Variants in NCBP1 observed in about 807,000 individuals in gnomAD.
NCBP1 encodes the protein nuclear cap-binding protein subunit 1.
NCBP1 carries 16 observed loss-of-function variants against 111.7 expected under a neutral mutation model. That is an observed-to-expected ratio of 0.14 (90% CI 0.10 to 0.22). The LOEUF (loss-of-function observed/expected upper bound fraction) is 0.22, where lower values mean the gene tolerates loss of function less well. Among genes scored for constraint, NCBP1 ranks in the 10% least tolerant of loss-of-function variants. The pLI is 1.00. For missense variants in NCBP1, 607 were observed against 957.5 expected, an observed-to-expected ratio of 0.63 and a Z score of 4.83; for synonymous variants, 304 against 314.3, an observed-to-expected ratio of 0.97 and a Z score of 0.35.
intron 6 of NCBP1, among the ~76,000 whole-genome samples, chr9:97,646,943 C>CT (rs562016925): frequency 1.4e-3 from 194 of 134,708 alleles, no homozygotes; most frequent in East Asian, 7.1e-3. Flanking sequence ...CTTCACTTGG[C>CT]TTTTTTTTTT....
At position 97,672,223 on chromosome 9, in the gene NCBP1, T is replaced by G. The variant is rs890728289; in HGVS notation, c.*1024T>G. ...TTCCAAATTTCGAGGATTTTTAGAC[T>G]TTTTTCATTAAACCTTAGAAAAAAA... On this transcript the variant is annotated 3_prime_UTR_variant, in exon 23 of 23. Transcript: ENST00000375147. The G allele has an allele frequency of 6.6e-6, 1 of 152,210 alleles. No individual in the cohort carries two copies. Among genetic ancestry groups the G allele is most frequent in the Non-Finnish European group, 1.5e-5 (1 of 68,018 alleles). 9.4% of individuals were successfully genotyped at this position (152,210 alleles called of 1,614,324 possible). A position where few individuals can be genotyped will look rare whatever the true frequency, so the allele number is the denominator to read the frequency against.
rs199664754 is a variant in NCBP1 at position 97,669,015 on chromosome 9, A to T, written c.2145+41A>T. 5 of 1,532,208 alleles carry T rather than the reference A, an allele frequency of 3.3e-6. No individual in the cohort carries two copies. In the Admixed American group the frequency reaches 1.0e-4, roughly 31 times the overall value. 94.9% of individuals were successfully genotyped at this position (1,532,208 alleles called of 1,614,324 possible). ...ACATTTATACATAAAAGGAAACAATACATTTCTTTAGTTTTAGTTTTTAAA... is the reference window on the plus strand; with the variant it reads ...ACATTTATACATAAAAGGAAACAATTCATTTCTTTAGTTTTAGTTTTTAAA... On this transcript the variant is annotated intron_variant, in intron 21 of 22. Transcript: ENST00000375147.
chr9:97,669,026 G>C (rs780412520), intron 21 of NCBP1, 52 bp downstream of exon 21: 1 of 1,494,222 alleles, frequency 6.7e-7, no homozygotes, highest in Non-Finnish European at 9.0e-7. Flanking sequence ...CATTTCTTTA[G>C]TTTTAGTTTT....
At chr9:97,646,204 T>A (rs907718530) in intron 6 of NCBP1, among the ~76,000 whole-genome samples, 4 of 152,188 alleles carry the variant, frequency 2.6e-5, no homozygotes, top group Non-Finnish European at 4.4e-5. Flanking sequence ...TAAATCAAGC[T>A]CTTAAAACAG....
intron 10 of NCBP1, among the ~76,000 whole-genome samples, chr9:97,652,735 A>G (rs907211842): frequency 6.6e-6 from 1 of 152,220 alleles, no homozygotes; most frequent in Non-Finnish European, 1.5e-5. Flanking sequence ...TATTTTGTTA[A>G]TATTGCACTT....
intron 7 of NCBP1, 79 bp downstream of exon 7, chr9:97,647,640 C>T (rs1827383468): frequency 1.6e-6 from 2 of 1,228,540 alleles, no homozygotes; most frequent in Non-Finnish European, 2.4e-6. Context: ...ATACTCAGAC[C>T]ATTCCATTTT....
chr9:97,670,964 CTT>C (rs888658855), intron 22 of NCBP1, 120 bp from the exon 23 acceptor site: 1 of 564,940 alleles, frequency 1.8e-6, no homozygotes, highest in South Asian at 2.9e-5. Context: ...CCTATCAGCA[CTT>C]TTTTTTCCCC....
intron 1 of NCBP1, among the ~76,000 whole-genome samples, chr9:97,637,175 G>A (rs1028140975): frequency 6.6e-6 from 1 of 151,782 alleles, no homozygotes. Flanking sequence ...GTTGAGACTC[G>A]ACTATCAAAG....
chr9:97,662,898 CTAAAATGT>C lies in NCBP1; in HGVS notation c.1704-54_1704-47del, dbSNP rs1217269150. The C allele has an allele frequency of 3.8e-6, 5 of 1,320,448 alleles. No individual in the cohort carries two copies. In the East Asian group the frequency reaches 1.2e-4, roughly 31 times the overall value. 81.8% of individuals were successfully genotyped at this position (1,320,448 alleles called of 1,614,324 possible). A position where few individuals can be genotyped will look rare whatever the true frequency, so the allele number is the denominator to read the frequency against. On this transcript the variant is annotated intron_variant, in intron 17 of 22. Transcript: ENST00000375147. The stretch of plus-strand genomic sequence containing the variant: ...TAACATTGAAAAGGCTTTGAAAACA[CTAAAATGT>C]TTAATGAATAAGTATATATGGTATT...
At chr9:97,637,733 C>G (rs1391287658) in intron 1 of NCBP1, among the ~76,000 whole-genome samples, 1 of 152,036 alleles carries the variant, frequency 6.6e-6, no homozygotes, top group African/African-American at 2.4e-5. Context: ...GGTTTAAAAA[C>G]GTAATGTTGA....
At chr9:97,634,131 C>T (rs542852482) in intron 1 of NCBP1, among the ~76,000 whole-genome samples, 92 of 152,370 alleles carry the variant, frequency 6.0e-4, no homozygotes, top group Non-Finnish European at 1.2e-3. Flanking sequence ...GGCCGATCCT[C>T]GGGAAAGAAG....
At chr9:97,658,515 C>T (rs1228795691) in intron 14 of NCBP1, 125 bp from the exon 15 acceptor site, 43 of 702,296 alleles carry the variant, frequency 6.1e-5, no homozygotes, top group Middle Eastern at 5.0e-4. Flanking sequence ...TTTTTTTTCC[C>T]TTTCACTTCT....
At chr9:97,655,985 T>C (rs1222182417) in intron 13 of NCBP1, 26 bp from the exon 14 acceptor site, 6 of 1,594,074 alleles carry the variant, frequency 3.8e-6, no homozygotes, top group South Asian at 2.2e-5. Flanking sequence ...TATGTAAGCA[T>C]TGATAAAACT....
intron 5 of NCBP1, 94 bp from the exon 6 acceptor site, chr9:97,645,517 A>G (rs1827309559): frequency 7.4e-7 from 1 of 1,348,900 alleles, no homozygotes; most frequent in African/African-American, 1.5e-5. Flanking sequence ...AGTCCTATTA[A>G]ATAGCTTCCA....
chr9:97,654,474 A>G (rs149328645), intron 11 of NCBP1, among the ~76,000 whole-genome samples: 1 of 152,130 alleles, frequency 6.6e-6, no homozygotes, highest in South Asian at 2.1e-4. Context: ...AATTACCAGT[A>G]TGTGACACAG....
At chr9:97,651,092 A>C (rs1327789011) in intron 9 of NCBP1, among the ~76,000 whole-genome samples, 3 of 151,860 alleles carry the variant, frequency 2.0e-5, no homozygotes, top group African/African-American at 7.3e-5. Flanking sequence ...TATTACCTAG[A>C]CTCCTTTTGA....
intron 10 of NCBP1, among the ~76,000 whole-genome samples, chr9:97,652,501 C>T (rs984988794): frequency 6.6e-6 from 1 of 152,190 alleles, no homozygotes; most frequent in Non-Finnish European, 1.5e-5. Flanking sequence ...GTGGCACGCA[C>T]CTGTGGTGCC....
chr9:97,641,779 G>A, intron 3 of NCBP1, 117 bp downstream of exon 3: 1 of 1,107,686 alleles, frequency 9.0e-7, no homozygotes, highest in Non-Finnish European at 1.2e-6. Flanking sequence ...TTACTTCTAT[G>A]GGGAAATTTG....
intron 16 of NCBP1, 135 bp downstream of exon 16, chr9:97,661,203 C>T: frequency 1.0e-6 from 1 of 996,234 alleles, no homozygotes; most frequent in Non-Finnish European, 1.4e-6. Flanking sequence ...TTGTTCTTAG[C>T]ACCCCAGGTA....
Sources: gnomAD v4.1 joint callset for allele counts (sites outside exome capture counted in the v4.1 genomes callset) on GRCh38, gnomAD v4.1.1 for gene constraint, MANE v1.5 for transcripts, NCBI Gene and HGNC (gene_info 2026-07-23, HGNC 2026-07-21) for gene names.